The following RAD54L2 variants were observed in gnomAD, a reference collection of about 807,000 sequenced individuals.
The protein encoded by RAD54L2 is RAD54 like 2.
Under a neutral mutation model 138.4 loss-of-function variants are expected in RAD54L2, and 27 were observed. The ratio of observed to expected loss-of-function variants is 0.20; its 90% CI spans 0.14 to 0.27. The LOEUF is 0.27. Among genes scored for constraint, RAD54L2 ranks in the 10% least tolerant of loss-of-function variants. RAD54L2 has a pLI of 1.00. For missense variants in RAD54L2, 1,396 were observed against 1,890.2 expected (o/e 0.74, Z 4.85); for synonymous variants, 644 against 723.2 (o/e 0.89, Z 1.76).
chr3:51,618,872 T>C (rs542052261), intron 3 of RAD54L2, among the ~76,000 whole-genome samples: 1 of 152,148 alleles, frequency 6.6e-6, no homozygotes, highest in African/African-American at 2.4e-5. Flanking sequence ...ACTCCTCCAA[T>C]TGAGAGGTGG....
chr3:51,608,509 C>T (rs548350239), intron 3 of RAD54L2, among the ~76,000 whole-genome samples: 2 of 152,298 alleles, frequency 1.3e-5, no homozygotes, highest in South Asian at 4.1e-4. Context: ...GAGCGGAGAT[C>T]ACACCACTGC....
intron 2 of RAD54L2, among the ~76,000 whole-genome samples, chr3:51,576,064 T>C (rs1577398350): frequency 1.3e-5 from 2 of 152,214 alleles, no homozygotes; most frequent in East Asian, 3.8e-4. Flanking sequence ...TGAAGGGCTG[T>C]TGAATTTTGT....
chr3:51,621,090 A>G (rs529167226), intron 3 of RAD54L2, among the ~76,000 whole-genome samples: 1 of 152,298 alleles, frequency 6.6e-6, no homozygotes, highest in Non-Finnish European at 1.5e-5. Flanking sequence ...GAAATAACAG[A>G]TTTTTTATTA....
intron 2 of RAD54L2, among the ~76,000 whole-genome samples, chr3:51,563,770 GAA>G (rs1424777374): frequency 6.6e-6 from 1 of 152,186 alleles, no homozygotes; most frequent in Non-Finnish European, 1.5e-5. Context: ...TGCAGATAAT[GAA>G]AGTGTTGACT....
rs562244014 is a variant in RAD54L2, at chr3:51,539,330, G to A, written c.-117+415G>A. ...TAATCCCTAAGGCGCATCTGGATGC[G>A]TCTCCCCGACCCCCTCTCCTGAGGT... On this transcript the variant is annotated intron_variant, in intron 1 of 22. Coordinates refer to ENST00000684192, the MANE Select transcript of RAD54L2 (RefSeq NM_015106.4). 2.9e-4 allele frequency among the ~76,000 whole-genome samples: 44 copies of A among 152,240 alleles called. 1 individual carries two copies. Among genetic ancestry groups the A allele is most frequent in the Admixed American group, 5.2e-4 (8 of 15,286 alleles).
intron 19 of RAD54L2, among the ~76,000 whole-genome samples, chr3:51,652,175 C>A (rs1701457191): frequency 2.0e-5 from 3 of 152,168 alleles, no homozygotes; most frequent in Non-Finnish European, 4.4e-5. Flanking sequence ...AGTGAACTCC[C>A]ATTCACAATT....
chr3:51,615,669 A>T (rs901524035), intron 3 of RAD54L2, among the ~76,000 whole-genome samples: 2 of 152,202 alleles, frequency 1.3e-5, no homozygotes, highest in Non-Finnish European at 2.9e-5. Flanking sequence ...AATTACTAAA[A>T]TTGGTAAGAT....
chr3:51,641,694 G>T, intron 14 of RAD54L2, 55 bp from the exon 15 acceptor site: 3 of 1,222,286 alleles, frequency 2.5e-6, no homozygotes, highest in South Asian at 1.3e-5. Context: ...GACCTATTGG[G>T]AACAATGTTC....
chr3:51,623,925 C>T (rs560972671), intron 3 of RAD54L2, among the ~76,000 whole-genome samples: 4 of 148,558 alleles, frequency 2.7e-5, no homozygotes, highest in East Asian at 2.0e-4. Flanking sequence ...TACAGTGATC[C>T]GAGATTGCGC....
intron 2 of RAD54L2, among the ~76,000 whole-genome samples, chr3:51,555,957 T>C (rs1243868195): frequency 6.6e-6 from 1 of 152,172 alleles, no homozygotes; most frequent in African/African-American, 2.4e-5. Flanking sequence ...GTGTTACCTT[T>C]CTCTATATTC....
intron 2 of RAD54L2, among the ~76,000 whole-genome samples, chr3:51,551,838 C>T (rs1698846538): frequency 1.3e-5 from 2 of 150,912 alleles, no homozygotes; most frequent in African/African-American, 4.9e-5. Flanking sequence ...CTGCAACCTC[C>T]ATCTCCTGGG....
intron 2 of RAD54L2, among the ~76,000 whole-genome samples, chr3:51,557,950 A>G (rs1699012202): frequency 6.6e-6 from 1 of 151,558 alleles, no homozygotes; most frequent in Non-Finnish European, 1.5e-5. Flanking sequence ...GGCTCAAGTG[A>G]TCCTCTCACC....
chr3:51,581,548 T>G (rs908085511), intron 2 of RAD54L2, among the ~76,000 whole-genome samples: 5 of 152,194 alleles, frequency 3.3e-5, no homozygotes, highest in Non-Finnish European at 7.3e-5. Flanking sequence ...ATACTGAATG[T>G]TCATGCGGCT....
In RAD54L2 at chr3:51,645,793, G is replaced by A. The variant is rs751208794; in HGVS notation, c.2829+30G>A. 31 of 1,576,420 alleles carry A rather than the reference G, an allele frequency of 2.0e-5. No homozygotes were observed. Among genetic ancestry groups the A allele is most frequent in the South Asian group, 7.0e-5 (6 of 85,154 alleles). On this transcript the variant is annotated intron_variant, in intron 18 of 22. Transcript: ENST00000684192. This position sits in a 1 kb window ranked among gnomAD's most constrained non-coding sequence, Gnocchi z 6.1. ...GAACTTGGTATGCATGCAATCCCCA[G>A]AGTGGCAGTCTCTCTGTCAAAGGAG...
At chr3:51,609,362 T>G (rs1034613959) in intron 3 of RAD54L2, among the ~76,000 whole-genome samples, 15 of 152,218 alleles carry the variant, frequency 9.9e-5, no homozygotes, top group African/African-American at 3.4e-4. Context: ...ATCCCTTCTC[T>G]TAGGCTGGGG....
intron 2 of RAD54L2, among the ~76,000 whole-genome samples, chr3:51,546,531 T>C (rs1698699372): frequency 6.6e-6 from 1 of 151,874 alleles, no homozygotes. Context: ...TCTCAGCTAC[T>C]TAGGAGGCTG....
chr3:51,575,701 C>T (rs917105389), intron 2 of RAD54L2, among the ~76,000 whole-genome samples: 11 of 152,058 alleles, frequency 7.2e-5, no homozygotes, highest in Non-Finnish European at 1.0e-4. Flanking sequence ...TGATTTTGTA[C>T]CCTGAGACTT....
At chr3:51,588,557 AAAG>A (rs1699763432) in intron 2 of RAD54L2, among the ~76,000 whole-genome samples, 1 of 151,762 alleles carries the variant, frequency 6.6e-6, no homozygotes, top group South Asian at 2.1e-4. Context: ...AAAAAAAAGA[AAAG>A]AAAATTTGAA....
At position 51,628,559 on chromosome 3, in the gene RAD54L2, T is replaced by C. The variant is rs1460239051; in HGVS notation, c.342-775T>C. Among the ~76,000 whole-genome samples the C allele has an allele frequency of 4.0e-5, 6 of 151,616 alleles. No individual in the cohort carries two copies. The South Asian group carries it at 1.0e-3, about 26-fold the overall frequency. The stretch of plus-strand genomic sequence containing the variant: ...TGCCCGCCACCACACCTGGCTAATT[T>C]TTGTATTTGTAGTAGAGACAGGGTT... On this transcript the variant is annotated intron_variant, in intron 4 of 22. Transcript: ENST00000684192.
Sources: gnomAD v4.1 joint callset for allele counts (sites outside exome capture counted in the v4.1 genomes callset) on GRCh38, gnomAD v4.1.1 for gene constraint, Gnocchi (gnomAD v3.1) non-coding constraint, MANE v1.5 for transcripts, NCBI Gene and HGNC (gene_info 2026-07-23, HGNC 2026-07-21) for gene names.